ABL2: variants seen among roughly 807,000 people sequenced by gnomAD.
ABL2 encodes ABL proto-oncogene 2, non-receptor tyrosine kinase, also known as tyrosine-protein kinase ABL2.
Under a neutral mutation model 107.7 loss-of-function variants are expected in ABL2, and 49 were observed. That is an observed-to-expected ratio of 0.45 (90% CI 0.36 to 0.58). The LOEUF (loss-of-function observed/expected upper bound fraction) is 0.58. Ranked by LOEUF, ABL2 falls within the 20% of genes least tolerant of loss-of-function variation. The probability of loss-of-function intolerance (pLI) is 0.00; values close to 1 mark genes in which losing one functional copy is unlikely to be tolerated. For missense variants in ABL2, 1,245 were observed against 1,457.0 expected (o/e 0.85, Z 2.37); for synonymous variants, 549 against 548.6 (o/e 1.00, Z -0.01).
intron 1 of ABL2, among the ~76,000 whole-genome samples, chr1:179,209,418 T>G (rs1662149714): frequency 6.6e-6 from 1 of 152,274 alleles, no homozygotes; most frequent in Non-Finnish European, 1.5e-5. Context: ...GATTTGGGTC[T>G]TCATTTCTGA....
chr1:179,226,643 G>T (rs949260708), intron 1 of ABL2, among the ~76,000 whole-genome samples: 2 of 152,086 alleles, frequency 1.3e-5, no homozygotes, highest in Non-Finnish European at 2.9e-5. Context: ...AGTAGTATTA[G>T]TAATGGCAGC....
At chr1:179,221,665 T>C in intron 1 of ABL2, 1 of 206,768 alleles carries the variant, frequency 4.8e-6, no homozygotes, top group South Asian at 1.1e-4. Flanking sequence ...AACTACATCA[T>C]GACAACAGAC....
At chr1:179,134,922 G>A (rs1280428591) in intron 1 of ABL2, among the ~76,000 whole-genome samples, 1 of 152,226 alleles carries the variant, frequency 6.6e-6, no homozygotes, top group East Asian at 1.9e-4. Flanking sequence ...GGTGGAGACG[G>A]GGTTTCGCTG....
At chr1:179,173,585 C>T (rs1296644402) in intron 1 of ABL2, among the ~76,000 whole-genome samples, 3 of 151,878 alleles carry the variant, frequency 2.0e-5, no homozygotes, top group South Asian at 2.1e-4. Context: ...CTCCTGACCT[C>T]GTGATCCGCC....
intron 1 of ABL2, among the ~76,000 whole-genome samples, chr1:179,194,890 G>A (rs530600322): frequency 6.6e-6 from 1 of 152,198 alleles, no homozygotes; most frequent in East Asian, 1.9e-4. Context: ...TTCAAAAATG[G>A]GCAAAGGACT....
intron 1 of ABL2, among the ~76,000 whole-genome samples, chr1:179,137,135 C>T (rs1267853230): frequency 6.6e-6 from 1 of 151,954 alleles, no homozygotes; most frequent in Non-Finnish European, 1.5e-5. Flanking sequence ...TATGTTGTTC[C>T]TTATTTAAAT....
chr1:179,105,662 G>T lies in ABL2; in HGVS notation c.*2056C>A, dbSNP rs545686726. 795 of 227,048 alleles carry T rather than the reference G, an allele frequency of 3.5e-3. 5 individuals are homozygous for T. The highest frequency in any genetic ancestry group is 0.016 in the African/African-American group (729 of 45,104). The allele number at this position is 227,048 out of a possible 1,614,324, so 14.1% of individuals were successfully genotyped here. A position where few individuals can be genotyped will look rare whatever the true frequency, so the allele number is the denominator to read the frequency against. ...ACCTGCCAGGAATGCCCAGCACCGC[G>T]TGTCTCCTCTAATCCTCTTAACCTG... is the stretch of plus-strand genomic sequence containing the variant. On this transcript the variant is annotated 3_prime_UTR_variant, in exon 12 of 12. Transcript: ENST00000502732.
chr1:179,157,903 A>G (rs531737043), intron 1 of ABL2, among the ~76,000 whole-genome samples: 1 of 152,290 alleles, frequency 6.6e-6, no homozygotes, highest in East Asian at 1.9e-4. Context: ...AGGAGCTAGT[A>G]GAGTTTCTTC....
chr1:179,129,549 G>A (rs573797152), intron 3 of ABL2, among the ~76,000 whole-genome samples: 5 of 152,182 alleles, frequency 3.3e-5, no homozygotes, highest in Admixed American at 3.3e-4. Flanking sequence ...CGGCGTGGTG[G>A]TGCGTGCCTG....
chr1:179,163,517 C>T lies in ABL2; in HGVS notation c.158-30143G>A, dbSNP rs867051445. Among the ~76,000 whole-genome samples the T allele has an allele frequency of 3.3e-5, 5 of 152,000 alleles. No individual in the cohort carries two copies. In the South Asian group the frequency reaches 6.2e-4, roughly 19 times the overall value. ...ACCCCAGCACTTTGGGAGGATGAGG[C>T]GGGTGGATCACTTGCGGTCAGGAGT... On this transcript the variant is annotated intron_variant, in intron 1 of 11. Coordinates refer to ENST00000502732, the MANE Select transcript of ABL2 (RefSeq NM_007314.4).
chr1:179,214,358 G>T (rs1662443661), intron 1 of ABL2, among the ~76,000 whole-genome samples: 1 of 151,756 alleles, frequency 6.6e-6, no homozygotes, highest in African/African-American at 2.4e-5. Context: ...ATCTTTGGAA[G>T]ATATAAGATG....
rs866323002 is a variant in ABL2, at chr1:179,133,062, T to C, written c.220+250A>G. 1.2e-4 allele frequency among the ~76,000 whole-genome samples: 18 copies of C among 151,834 alleles called. No individual in the cohort carries two copies. The South Asian group carries it at 2.3e-3, about 19-fold the overall frequency. ...TCAGTAGAGACGAAGTTTCACCATG[T>C]TGGCCAGGCTGGTCTTGAACTCCTG... On this transcript the variant is annotated intron_variant, in intron 2 of 11. Transcript: ENST00000502732.
At chr1:179,116,328 T>G (rs1041583027) in intron 8 of ABL2, among the ~76,000 whole-genome samples, 3 of 151,822 alleles carry the variant, frequency 2.0e-5, no homozygotes, top group African/African-American at 7.3e-5. Context: ...TGAGCTGAGA[T>G]TGTGCCACTG....
intron 1 of ABL2, among the ~76,000 whole-genome samples, chr1:179,169,112 G>C (rs1202758495): frequency 1.3e-5 from 2 of 152,072 alleles, no homozygotes; most frequent in Non-Finnish European, 2.9e-5. Flanking sequence ...CTTTCAGAGA[G>C]TTGAGAGTTA....
In ABL2 at chr1:179,106,004, A is replaced by G. The variant is rs775416562; in HGVS notation, c.*1714T>C. ...TACTGTTACCTTAATTAAATAGATT[A>G]AGAGATGAGGCTGTGGTTTGACAGT... On this transcript the variant is annotated 3_prime_UTR_variant, in exon 12 of 12. Transcript: ENST00000502732. The G allele has an allele frequency of 1.8e-5, 4 of 220,634 alleles. No individual in the cohort carries two copies. The highest frequency in any genetic ancestry group is 2.7e-5 in the Non-Finnish European group (3 of 110,110). The allele number at this position is 220,634 out of a possible 1,614,324, so 13.7% of individuals were successfully genotyped here.
rs925542710 is a variant in ABL2, at chr1:179,117,622, G to A, written c.1224-106C>T. The A allele has an allele frequency of 5.6e-6, 6 of 1,067,298 alleles. No individual in the cohort carries two copies. The African/African-American group carries it at 7.9e-5, about 14-fold the overall frequency. The allele number at this position is 1,067,298 out of a possible 1,614,324, so 66.1% of individuals were successfully genotyped here. On this transcript the variant is annotated intron_variant, in intron 7 of 11. Transcript: ENST00000502732. ...TTATAGGCAGAGTTAAGTAAGTGCT[G>A]ACAAATATGGTAGTATCTTCTGATA...
intron 1 of ABL2, among the ~76,000 whole-genome samples, chr1:179,219,220 T>G (rs1662744044): frequency 6.6e-6 from 1 of 152,146 alleles, no homozygotes; most frequent in South Asian, 2.1e-4. Flanking sequence ...GTTTTCTATT[T>G]TTTGTAGAGA....
chr1:179,222,885 CG>C (rs575281910), intron 1 of ABL2, among the ~76,000 whole-genome samples: 22 of 151,358 alleles, frequency 1.5e-4, no homozygotes, highest in Non-Finnish European at 2.4e-4. Context: ...CTGAGGTGGG[CG>C]GATCATTTGA....
chr1:179,139,750 T>C (rs1657396986), intron 1 of ABL2, among the ~76,000 whole-genome samples: 1 of 152,152 alleles, frequency 6.6e-6, no homozygotes, highest in Admixed American at 6.5e-5. Flanking sequence ...GCATTACCGC[T>C]TGAGCTCCAC....
Sources: gnomAD v4.1 joint callset for allele counts (sites outside exome capture counted in the v4.1 genomes callset) on GRCh38, gnomAD v4.1.1 for gene constraint, MANE v1.5 for transcripts, NCBI Gene and HGNC (gene_info 2026-07-23, HGNC 2026-07-21) for gene names.